PATJ: variants seen among roughly 807,000 people sequenced by gnomAD.
The protein encoded by PATJ is inaD-like protein.
A neutral mutation model predicts 224.9 loss-of-function variants in PATJ; 190 were observed. The observed-to-expected ratio is 0.84, with a 90% CI of 0.75 to 0.95. PATJ has a LOEUF of 0.95. Ranked by LOEUF, PATJ falls within the 40% of genes least tolerant of loss-of-function variation. The probability of loss-of-function intolerance (pLI) is 0.00; values close to 1 mark genes in which losing one functional copy is unlikely to be tolerated. For synonymous variants in PATJ, 769 were observed against 820.3 expected (o/e 0.94, Z 1.07); for missense variants, 2,121 against 2,270.3 (o/e 0.93, Z 1.34).
chr1:61,827,358 T>C (rs1182275620), intron 15 of PATJ, 64 bp from the exon 16 acceptor site: 1 of 1,391,182 alleles, frequency 7.2e-7, no homozygotes, highest in Non-Finnish European at 9.6e-7. Flanking sequence ...TGGATATAAA[T>C]AAGAGATTTT....
chr1:62,128,221 T>G (rs2481664), intron 40 of PATJ, 127 bp downstream of exon 40: 5 of 924,152 alleles, frequency 5.4e-6, no homozygotes, highest in Non-Finnish European at 5.0e-6. Flanking sequence ...GAGGGCAAGA[T>G]GCATTAGATA....
intron 26 of PATJ, among the ~76,000 whole-genome samples, chr1:61,923,936 A>T (rs1674720595): frequency 1.3e-5 from 2 of 151,914 alleles, no homozygotes; most frequent in Non-Finnish European, 2.9e-5. Flanking sequence ...AAAAAAAAAA[A>T]AAAAGTGACT....
At chr1:62,109,487 T>C (rs995322359) in intron 34 of PATJ, among the ~76,000 whole-genome samples, 1 of 152,216 alleles carries the variant, frequency 6.6e-6, no homozygotes, top group African/African-American at 2.4e-5. Context: ...TTACTGTGTT[T>C]CATCATTGGA....
intron 16 of PATJ, among the ~76,000 whole-genome samples, chr1:61,831,080 G>T (rs1414198103): frequency 6.7e-6 from 1 of 149,862 alleles, no homozygotes; most frequent in Non-Finnish European, 1.5e-5. Flanking sequence ...CCAGCTACTT[G>T]GGGGGGCTGA....
At chr1:61,967,045 A>G (rs1043283877) in intron 27 of PATJ, among the ~76,000 whole-genome samples, 8 of 152,202 alleles carry the variant, frequency 5.3e-5, no homozygotes, top group African/African-American at 1.9e-4. Context: ...AATGCCTTCA[A>G]CATCTGGGAA....
intron 33 of PATJ, among the ~76,000 whole-genome samples, chr1:62,103,297 G>C (rs778144793): frequency 4.6e-5 from 7 of 152,178 alleles, no homozygotes; most frequent in Non-Finnish European, 1.0e-4. Context: ...CAGAGACCTA[G>C]TCAAGTCTGA....
At chr1:61,907,710 C>T (rs1672044155) in intron 24 of PATJ, among the ~76,000 whole-genome samples, 1 of 152,258 alleles carries the variant, frequency 6.6e-6, no homozygotes, top group Non-Finnish European at 1.5e-5. Flanking sequence ...GGCTTTGTTA[C>T]ATTATAGGTT....
intron 29 of PATJ, among the ~76,000 whole-genome samples, chr1:62,029,600 A>G (rs1648801036): frequency 6.6e-6 from 1 of 152,240 alleles, no homozygotes; most frequent in Non-Finnish European, 1.5e-5. Flanking sequence ...TGTATATGAC[A>G]TATATGTGCA....
At chr1:62,050,182 A>T (rs958859285) in intron 30 of PATJ, among the ~76,000 whole-genome samples, 13 of 152,058 alleles carry the variant, frequency 8.5e-5, no homozygotes, top group Non-Finnish European at 7.4e-5. Context: ...TTAAATAAAA[A>T]AAATAAATAA....
intron 7 of PATJ, among the ~76,000 whole-genome samples, chr1:61,777,034 A>G (rs879849669): frequency 1.3e-5 from 2 of 152,148 alleles, no homozygotes; most frequent in African/African-American, 4.8e-5. Context: ...CAAATCTGCT[A>G]CTTTTTTATG....
At position 61,769,083 on chromosome 1, in the gene PATJ, G is replaced by C. The variant is rs146348426; in HGVS notation, c.385-200G>C. 8.5e-5 allele frequency among the ~76,000 whole-genome samples: 13 copies of C among 152,278 alleles called. No homozygotes were observed. In the East Asian group the frequency reaches 2.5e-3, roughly 29 times the overall value. ...ATACCTCTGATTCCCTGAGGTTGCA[G>C]AACACTGCACACACTCTCTCTTACG... On this transcript the variant is annotated intron_variant, in intron 4 of 43. Transcript: ENST00000642238.
chr1:62,042,725 C>T (rs574507912), intron 30 of PATJ, among the ~76,000 whole-genome samples: 1 of 152,316 alleles, frequency 6.6e-6, no homozygotes, highest in South Asian at 2.1e-4. Context: ...TGGCTCACTA[C>T]AGCCTCAAAC....
chr1:61,762,868 G>A lies in PATJ; in HGVS notation c.-25G>A. 6.7e-7 allele frequency: 1 copy of A among 1,485,576 alleles called. No individual in the cohort carries two copies. The highest frequency in any genetic ancestry group is 9.2e-7 in the Non-Finnish European group (1 of 1,081,930). The allele number at this position is 1,485,576 out of a possible 1,614,324, so 92.0% of individuals were successfully genotyped here. A position where few individuals can be genotyped will look rare whatever the true frequency, so the allele number is the denominator to read the frequency against. On this transcript the variant is annotated 5_prime_UTR_variant, in exon 2 of 44. Coordinates refer to ENST00000642238, the MANE Select transcript of PATJ (RefSeq NM_001350145.3). ...AAATTTTTTCTTTAGGTGTCTTTAA[G>A]AGTGATTGAAGAGAATAATTCAAAA... is the stretch of plus-strand genomic sequence containing the variant.
intron 41 of PATJ, among the ~76,000 whole-genome samples, chr1:62,144,350 G>A (rs77007585): frequency 0.036 from 5,432 of 152,158 alleles, 174 homozygotes; most frequent in South Asian, 0.12. Flanking sequence ...ATGTGTTCTG[G>A]GGCAGGCCTA....
At chr1:61,943,400 T>C (rs946564661) in intron 27 of PATJ, among the ~76,000 whole-genome samples, 2 of 152,272 alleles carry the variant, frequency 1.3e-5, no homozygotes, top group South Asian at 4.1e-4. Context: ...ACCCTAATAC[T>C]GCGCTTTTCC....
intron 28 of PATJ, among the ~76,000 whole-genome samples, chr1:62,001,728 T>C (rs1023508219): frequency 6.6e-6 from 1 of 152,044 alleles, no homozygotes; most frequent in Non-Finnish European, 1.5e-5. Flanking sequence ...AAGAAAGTGA[T>C]TGGTAGCTTG....
intron 39 of PATJ, among the ~76,000 whole-genome samples, chr1:62,125,862 C>T (rs914500894): frequency 2.6e-5 from 4 of 152,116 alleles, no homozygotes; most frequent in Middle Eastern, 3.2e-3. Context: ...CTCCACCTCC[C>T]AGGTTCAAGT....
intron 27 of PATJ, chr1:61,952,384 A>T (rs549121405): frequency 1.4e-6 from 1 of 717,072 alleles, no homozygotes; most frequent in East Asian, 2.7e-5. Flanking sequence ...TGAAGGGAAC[A>T]CAACAATGGT....
At chr1:61,919,932 G>A (rs985504167) in intron 26 of PATJ, among the ~76,000 whole-genome samples, 2 of 152,082 alleles carry the variant, frequency 1.3e-5, no homozygotes, top group Non-Finnish European at 2.9e-5. Flanking sequence ...GATTAAAAAG[G>A]ATAGCTATTA....
Sources: gnomAD v4.1 joint callset for allele counts (sites outside exome capture counted in the v4.1 genomes callset) on GRCh38, gnomAD v4.1.1 for gene constraint, MANE v1.5 for transcripts, NCBI Gene and HGNC (gene_info 2026-07-23, HGNC 2026-07-21) for gene names.